Variants in SHANK1 observed in about 807,000 individuals in gnomAD.
SHANK1 encodes SH3 and multiple ankyrin repeat domains protein 1.
A neutral mutation model predicts 165.6 loss-of-function variants in SHANK1; 35 were observed. The ratio of observed to expected loss-of-function variants is 0.21; its 90% CI spans 0.16 to 0.28. SHANK1 has a LOEUF of 0.28. Ranked by LOEUF, SHANK1 falls within the 10% of genes least tolerant of loss-of-function variation. The pLI is 1.00. For missense variants in SHANK1, 2,681 were observed against 3,036.4 expected, an observed-to-expected ratio of 0.88 and a Z score of 2.75; for synonymous variants, 1,428 against 1,384.8, an observed-to-expected ratio of 1.03 and a Z score of -0.69.
intron 21 of SHANK1, among the ~76,000 whole-genome samples, chr19:50,677,938 G>C (rs1986032730): frequency 1.3e-5 from 2 of 152,114 alleles, no homozygotes; most frequent in African/African-American, 4.8e-5. Flanking sequence ...TACTCTGCTT[G>C]GCTTTCTGTC....
Position 50,668,329 on chromosome 19 carries a change from G to C in SHANK1, c.3631C>G (p.Pro1211Ala), listed in dbSNP as rs1290572925. Residue 1211 changes from proline to alanine, a missense_variant, in exon 23 of 24, where the codon CCC (proline) becomes GCC (alanine). By Grantham distance (27) the Pro-to-Ala change is conservative. Coordinates refer to ENST00000293441, the MANE Select transcript of SHANK1 (RefSeq NM_016148.5). Reference protein sequence around the residue: ...APAMSPVPPSPSPVPTPASPS... With the variant: ...APAMSPVPPSASPVPTPASPS... ...GAGGCGGGGGTGGGCACGGGCGAGG[G>C]GGACGGGGGCACGGGTGACATGGCC... 1.6e-6 allele frequency: 2 copies of C among 1,270,294 alleles called. No individual in the cohort carries two copies. The highest frequency in any genetic ancestry group is 4.2e-5 in the Admixed American group (1 of 23,550). The allele number at this position is 1,270,294 out of a possible 1,614,324, so 78.7% of individuals were successfully genotyped here.
In SHANK1 at chr19:50,718,488, G is replaced by A. The variant is rs1327746172; in HGVS notation, c.-44+918C>T. Among the ~76,000 whole-genome samples the A allele has an allele frequency of 1.3e-5, 2 of 152,086 alleles. No homozygotes were observed. The highest frequency in any genetic ancestry group is 6.5e-5 in the Admixed American group (1 of 15,286). On this transcript the variant is annotated intron_variant, in intron 1 of 23. Transcript: ENST00000293441. This position sits in a 1 kb window ranked among gnomAD's most constrained non-coding sequence, Gnocchi z 5.1. ...GCGTACGGCTGCCCCAGCCCCCCCG[G>A]GCCGGCTCCGGCCCCTCCCCCTCAG... is the stretch of plus-strand genomic sequence containing the variant.
intron 12 of SHANK1, among the ~76,000 whole-genome samples, chr19:50,699,026 G>C (rs1013924837): frequency 6.6e-6 from 1 of 152,234 alleles, no homozygotes; most frequent in Middle Eastern, 3.2e-3. Context: ...GAAAACCCTT[G>C]CCTGGAGATG....
intron 23 of SHANK1, 132 bp downstream of exon 23, chr19:50,666,060 G>A: frequency 1.3e-6 from 1 of 750,550 alleles, no homozygotes; most frequent in South Asian, 2.3e-5. Context: ...ATTTGTGAAA[G>A]CATGCTTCTG....
chr19:50,672,647 AAGG>A (rs1305289981), intron 21 of SHANK1, among the ~76,000 whole-genome samples: 1 of 151,958 alleles, frequency 6.6e-6, no homozygotes, highest in African/African-American at 2.4e-5. Flanking sequence ...AGGAGAAAGA[AAGG>A]AGAAGAAAGC....
Position 50,662,002 on chromosome 19 carries a change from T to C in SHANK1, c.6449A>G (p.Asn2150Ser). The C allele has an allele frequency of 6.2e-7, 1 of 1,614,086 alleles. No homozygotes were observed. Among genetic ancestry groups the C allele is most frequent in the Non-Finnish European group, 8.5e-7 (1 of 1,180,010 alleles). ...GAAGAATTTGAGAGCCCGGTCGATG[T>C]TCATGCGGTGGCCCACCCTGGTCAC... ...LGVTRVGHRM[N>S]IDRALKFFLE... Residue 2150 changes from asparagine to serine, a missense_variant, in exon 24 of 24, where the codon AAC (asparagine) becomes AGC (serine). Coordinates refer to ENST00000293441, the MANE Select transcript of SHANK1 (RefSeq NM_016148.5). The surrounding 1 kb of genome is among the most constrained non-coding windows in gnomAD (Gnocchi z 7.7).
At chr19:50,709,261 C>T (rs543670096) in intron 8 of SHANK1, among the ~76,000 whole-genome samples, 1 of 152,136 alleles carries the variant, frequency 6.6e-6, no homozygotes, top group Non-Finnish European at 1.5e-5. Context: ...GTCTCAGCCT[C>T]CCGAGTAGCT....
At chr19:50,681,633 G>C (rs970904630) in intron 21 of SHANK1, among the ~76,000 whole-genome samples, 6 of 152,150 alleles carry the variant, frequency 3.9e-5, no homozygotes, top group Admixed American at 2.6e-4. Context: ...AACAGGACTT[G>C]CTCTAATTAG....
intron 21 of SHANK1, among the ~76,000 whole-genome samples, chr19:50,679,284 G>T (rs2123112085): frequency 6.6e-6 from 1 of 151,486 alleles, no homozygotes; most frequent in East Asian, 1.9e-4. Flanking sequence ...GGGGAGGGGT[G>T]TCCCCGACAG....
rs1018164047 is a variant in SHANK1 at position 50,679,225 on chromosome 19, C to G, written c.2577+7012G>C. On this transcript the variant is annotated intron_variant, in intron 21 of 23. Transcript: ENST00000293441. ...GGGGTCAGGGTTACAGGCAAGGGGT[C>G]AGGGTGACGGGAGAGGGCTTAGAGT... Among the ~76,000 whole-genome samples the G allele has an allele frequency of 9.7e-5, 13 of 134,010 alleles. No individual in the cohort carries two copies. The South Asian group carries it at 1.7e-3, about 18-fold the overall frequency. 87.9% of individuals were successfully genotyped at this position (134,010 alleles called of 152,430 possible).
rs1053898705 is a variant in SHANK1 at position 50,670,129 on chromosome 19, A to G, written c.2675-844T>C. 3.3e-5 allele frequency among the ~76,000 whole-genome samples: 5 copies of G among 151,650 alleles called. No individual in the cohort carries two copies. Among genetic ancestry groups the G allele is most frequent in the African/African-American group, 1.2e-4 (5 of 41,234 alleles). ...GCTGGCTGTCTCACGGGCATCTCAG[A>G]CTCCAAACGCTCCAACCCAAGCTCC... is the stretch of plus-strand genomic sequence containing the variant. On this transcript the variant is annotated intron_variant, in intron 22 of 23. Transcript: ENST00000293441. This position sits in a 1 kb window ranked among gnomAD's most constrained non-coding sequence, Gnocchi z 4.1.
At chr19:50,700,898 C>G (rs562903041) in intron 12 of SHANK1, among the ~76,000 whole-genome samples, 2 of 152,108 alleles carry the variant, frequency 1.3e-5, no homozygotes, top group Non-Finnish European at 2.9e-5. Flanking sequence ...TGAATTTGAT[C>G]ATTCATTCAC....
At chr19:50,679,460 G>A (rs1018110760) in intron 21 of SHANK1, among the ~76,000 whole-genome samples, 1 of 152,100 alleles carries the variant, frequency 6.6e-6, no homozygotes, top group Non-Finnish European at 1.5e-5. Context: ...CAATCTGATG[G>A]GGCATCGCAC....
intron 7 of SHANK1, among the ~76,000 whole-genome samples, 188 bp from the exon 8 acceptor site, chr19:50,711,675 A>G (rs779264067): frequency 5.9e-5 from 9 of 152,190 alleles, no homozygotes; most frequent in Non-Finnish European, 5.9e-5. Context: ...CCAAATGTTC[A>G]GTCATTCCAA....
rs535491253 is a variant in SHANK1, at chr19:50,673,341, GC to G, written c.2578-1228del. ...GGTCCTGCAGGCGGGACCCAGCCCTGCCCCCATTTCCCACTTGCTCCCTTGG... is the reference window on the plus strand; with the variant it reads ...GGTCCTGCAGGCGGGACCCAGCCCTGCCCCATTTCCCACTTGCTCCCTTGG... On this transcript the variant is annotated intron_variant, in intron 21 of 23. Coordinates refer to ENST00000293441, the MANE Select transcript of SHANK1 (RefSeq NM_016148.5). 1.8e-4 allele frequency among the ~76,000 whole-genome samples: 28 copies of G among 152,066 alleles called. No individual in the cohort carries two copies. In the South Asian group the frequency reaches 5.6e-3, roughly 31 times the overall value.
intron 21 of SHANK1, among the ~76,000 whole-genome samples, chr19:50,685,386 C>G (rs1245882484): frequency 6.6e-6 from 1 of 152,182 alleles, no homozygotes; most frequent in East Asian, 1.9e-4. Context: ...CTAACAACCT[C>G]GTGTACCTCC....
rs2089026536 is a variant in SHANK1 at position 50,713,074 on chromosome 19, T to C, written c.792+724A>G. The stretch of plus-strand genomic sequence containing the variant: ...GCTGGCATCTGACTGCATTAGGGGC[T>C]CTTCAGGAAAGCATCTGAGGGAGAG... On this transcript the variant is annotated intron_variant, in intron 6 of 23. Transcript: ENST00000293441. This position sits in a 1 kb window ranked among gnomAD's most constrained non-coding sequence, Gnocchi z 6.2. Among the ~76,000 whole-genome samples the C allele has an allele frequency of 6.6e-6, 1 of 151,934 alleles. No individual in the cohort carries two copies. Among genetic ancestry groups the C allele is most frequent in the Admixed American group, 6.6e-5 (1 of 15,252 alleles).
chr19:50,704,567 T>A (rs1321946070), intron 8 of SHANK1, 53 bp from the exon 9 acceptor site: 1 of 1,474,988 alleles, frequency 6.8e-7, no homozygotes, highest in Non-Finnish European at 9.5e-7. Flanking sequence ...AAAATTAAGA[T>A]CACCATGAGT....
rs1460722169 is a variant in SHANK1, at chr19:50,661,206, G to A, written c.*759C>T. Among the ~76,000 whole-genome samples, 3 of 152,086 alleles carry A rather than the reference G, an allele frequency of 2.0e-5. No homozygotes were observed. The highest frequency in any genetic ancestry group is 1.9e-4 in the East Asian group (1 of 5,184). ...TGCAACAAGGGTCCAGAGCGAGCGG[G>A]GAGGAGGAGATGTGAAATGGAGTGT... On this transcript the variant is annotated 3_prime_UTR_variant, in exon 24 of 24. Transcript: ENST00000293441.
Sources: gnomAD v4.1 joint callset for allele counts (sites outside exome capture counted in the v4.1 genomes callset) on GRCh38, gnomAD v4.1.1 for gene constraint, Gnocchi (gnomAD v3.1) non-coding constraint, MANE v1.5 for transcripts, NCBI Gene and HGNC (gene_info 2026-07-23, HGNC 2026-07-21) for gene names.